The following ASTN2 variants were observed in gnomAD, a reference collection of about 807,000 sequenced individuals.
The protein encoded by ASTN2 is astrotactin 2.
A neutral mutation model predicts 139.8 loss-of-function variants in ASTN2; 54 were observed. The observed-to-expected ratio is 0.39, with a 90% confidence interval of 0.31 to 0.48. ASTN2 has a LOEUF of 0.48. Among genes scored for constraint, ASTN2 ranks in the 20% least tolerant of loss-of-function variants. The probability of loss-of-function intolerance (pLI) is 0.95; values close to 1 mark genes in which losing one functional copy is unlikely to be tolerated. For missense variants in ASTN2, 1,565 were observed against 1,725.1 expected, an observed-to-expected ratio of 0.91 and a Z score of 1.64; for synonymous variants, 756 against 719.5, an observed-to-expected ratio of 1.05 and a Z score of -0.81.
chr9:116,966,647 T>C (rs1836018057), intron 10 of ASTN2, among the ~76,000 whole-genome samples: 1 of 151,214 alleles, frequency 6.6e-6, no homozygotes, highest in Non-Finnish European at 1.5e-5. Context: ...TACGTCCACC[T>C]GGGAGGAAGT....
chr9:116,452,530 T>TA (rs1369973847), intron 20 of ASTN2, among the ~76,000 whole-genome samples: 1 of 152,244 alleles, frequency 6.6e-6, no homozygotes, highest in Non-Finnish European at 1.5e-5. Flanking sequence ...CCTGGGCACA[T>TA]ACTCTGTATC....
chr9:116,800,828 T>C (rs902809966), intron 13 of ASTN2, among the ~76,000 whole-genome samples: 3 of 152,228 alleles, frequency 2.0e-5, no homozygotes, highest in African/African-American at 7.2e-5. Flanking sequence ...AAATAGTTAA[T>C]CTTTAAGTTC....
In ASTN2 at chr9:116,448,877, G is replaced by T. The variant is rs535320850; in HGVS notation, c.3498-6324C>A. 1.2e-3 allele frequency among the ~76,000 whole-genome samples: 186 copies of T among 152,274 alleles called. 2 individuals are homozygous for T. Among genetic ancestry groups the T allele is most frequent in the Middle Eastern group, 3.4e-3 (1 of 294 alleles). On this transcript the variant is annotated intron_variant, in intron 20 of 22. Transcript: ENST00000313400. Reference sequence around the variant, plus strand: ...GTAATAGTGTTCGTGATGGATTTTTGATGGGAAGACTGCTAGACACTCTGA... The same window carrying T: ...GTAATAGTGTTCGTGATGGATTTTTTATGGGAAGACTGCTAGACACTCTGA...
chr9:117,148,491 A>G (rs1373137915), intron 3 of ASTN2, among the ~76,000 whole-genome samples: 1 of 152,206 alleles, frequency 6.6e-6, no homozygotes, highest in East Asian at 1.9e-4. Context: ...CTTAGAAATT[A>G]TACATTCCCC....
chr9:117,288,316 C>T (rs1348084356), intron 2 of ASTN2, among the ~76,000 whole-genome samples: 1 of 152,172 alleles, frequency 6.6e-6, no homozygotes, highest in Non-Finnish European at 1.5e-5. Context: ...TGGATGGTAG[C>T]AGGTTCCAGT....
chr9:117,041,053 C>A (rs76283393), intron 5 of ASTN2, among the ~76,000 whole-genome samples: 2 of 151,972 alleles, frequency 1.3e-5, no homozygotes, highest in Non-Finnish European at 2.9e-5. Flanking sequence ...GCAGAGAGTA[C>A]GGGGGGTGGT....
chr9:117,299,118 G>A (rs1306581086), intron 1 of ASTN2, among the ~76,000 whole-genome samples: 2 of 152,150 alleles, frequency 1.3e-5, no homozygotes, highest in African/African-American at 4.8e-5. Context: ...ATTCTGTTTA[G>A]ACATGAGTAT....
intron 19 of ASTN2, among the ~76,000 whole-genome samples, chr9:116,541,813 A>G (rs981933712): frequency 3.9e-5 from 6 of 152,196 alleles, no homozygotes; most frequent in Admixed American, 3.9e-4. Flanking sequence ...TAAAACCAGA[A>G]GTGCTTTAAT....
intron 10 of ASTN2, among the ~76,000 whole-genome samples, chr9:116,895,266 T>C (rs144200156): frequency 6.6e-6 from 1 of 152,232 alleles, no homozygotes; most frequent in Non-Finnish European, 1.5e-5. Context: ...AAGGTGTATA[T>C]GAAACATATG....
chr9:117,249,580 G>A (rs17318382), intron 2 of ASTN2, among the ~76,000 whole-genome samples: 32,099 of 151,962 alleles, frequency 0.21, 4,006 homozygotes, highest in Non-Finnish European at 0.27. Context: ...CATGACGATC[G>A]AAGGCCATGC....
In ASTN2 at chr9:117,138,877, A is replaced by ACTTT. The variant is rs1830011085; in HGVS notation, c.1168+2445_1168+2448dup. Among the ~76,000 whole-genome samples, 5 of 152,230 alleles carry ACTTT rather than the reference A, an allele frequency of 3.3e-5. No homozygotes were observed. In the South Asian group the frequency reaches 1.0e-3, roughly 31 times the overall value. On this transcript the variant is annotated intron_variant, in intron 4 of 22. Coordinates refer to ENST00000313400, the MANE Select transcript of ASTN2 (RefSeq NM_001365068.1). ...TAAGTGGCAAGTTTTATGCAAAAATACTTTCTATGTAACATTGTTTATCAT... is the reference window on the plus strand; with the variant it reads ...TAAGTGGCAAGTTTTATGCAAAAATACTTTCTTTCTATGTAACATTGTTTATCAT...
chr9:116,925,849 G>C (rs1319710041), intron 10 of ASTN2, among the ~76,000 whole-genome samples: 2 of 135,976 alleles, frequency 1.5e-5, no homozygotes, highest in Non-Finnish European at 3.1e-5. Flanking sequence ...TATGCAAGGA[G>C]ATACACAACA....
intron 1 of ASTN2, among the ~76,000 whole-genome samples, chr9:117,362,455 C>T (rs1272764144): frequency 6.6e-6 from 1 of 152,150 alleles, no homozygotes; most frequent in East Asian, 1.9e-4. Context: ...GGTGGTAGAT[C>T]AGTGGGCAGG....
At chr9:116,461,791 T>C (rs4837540) in intron 20 of ASTN2, among the ~76,000 whole-genome samples, 142,473 of 152,226 alleles carry the variant, frequency 0.94, 66,667 homozygotes, top group East Asian at 0.97. Context: ...TGACGATTAA[T>C]GCTTTGTTAT....
intron 10 of ASTN2, among the ~76,000 whole-genome samples, chr9:116,889,862 T>C (rs1249693963): frequency 1.3e-5 from 2 of 151,974 alleles, no homozygotes; most frequent in Non-Finnish European, 2.9e-5. Context: ...GCTTAGGACT[T>C]GGCAGCTGCA....
chr9:116,956,878 AT>A (rs1835723077), intron 10 of ASTN2, among the ~76,000 whole-genome samples: 1 of 152,206 alleles, frequency 6.6e-6, no homozygotes, highest in East Asian at 1.9e-4. Context: ...ACTTAACAAA[AT>A]AAGTGTAAGA....
chr9:117,007,600 T>C lies in ASTN2; in HGVS notation c.1591+492A>G, dbSNP rs538992780. On this transcript the variant is annotated intron_variant, in intron 7 of 22. Coordinates refer to ENST00000313400, the MANE Select transcript of ASTN2 (RefSeq NM_001365068.1). ...TGGAGATTTTGCATATTTTGATCAC[T>C]GCTGTCTTCCCAATACCTAAAAATA... is the stretch of plus-strand genomic sequence containing the variant. Among the ~76,000 whole-genome samples, 6 of 152,340 alleles carry C rather than the reference T, an allele frequency of 3.9e-5. No individual in the cohort carries two copies. The South Asian group carries it at 1.2e-3, about 32-fold the overall frequency.
chr9:116,827,422 C>G (rs986539548), intron 11 of ASTN2, among the ~76,000 whole-genome samples: 7 of 150,818 alleles, frequency 4.6e-5, no homozygotes, highest in Non-Finnish European at 1.0e-4. Context: ...GAAATAGACC[C>G]AAAAAGCAAT....
At chr9:117,376,489 G>A (rs1830127562) in intron 1 of ASTN2, among the ~76,000 whole-genome samples, 1 of 152,224 alleles carries the variant, frequency 6.6e-6, no homozygotes, top group African/African-American at 2.4e-5. Flanking sequence ...GGGAGTAGTT[G>A]TAGGTGATCT....
Sources: allele counts gnomAD v4.1 joint callset (sites outside exome capture counted in the v4.1 genomes callset), GRCh38; gene constraint gnomAD v4.1.1; transcripts MANE v1.5; gene names NCBI Gene and HGNC (gene_info 2026-07-23, HGNC 2026-07-21).